PRKCE: variants seen among roughly 807,000 people sequenced by gnomAD.
PRKCE encodes protein kinase C epsilon.
A neutral mutation model predicts 85.4 loss-of-function variants in PRKCE; 16 were observed. The ratio of observed to expected loss-of-function variants is 0.19; its 90% CI spans 0.13 to 0.28. PRKCE has a LOEUF of 0.28. PRKCE is among the 10% of genes least tolerant of loss of function. PRKCE has a pLI of 1.00. For synonymous variants in PRKCE, 388 were observed against 371.5 expected (o/e 1.04, Z -0.51); for missense variants, 573 against 975.2 (o/e 0.59, Z 5.49).
chr2:46,145,174 T>A lies in PRKCE; in HGVS notation c.1674T>A (p.Ile558=). 1 of 1,599,726 alleles carries A rather than the reference T, an allele frequency of 6.3e-7. No homozygotes were observed. ...LADFGMCKEG[I]LNGVTTTTFC... is the part of the protein sequence containing the mutation. ...ACTTCGGGATGTGCAAGGAAGGGAT[T>A]CTGAATGGTGTGACGACCACCACGT... Residue 558 remains isoleucine (I), a synonymous_variant, in exon 12 of 15, where the codon ATT becomes ATA. Transcript: ENST00000306156. The surrounding 1 kb of genome is among the most constrained non-coding windows in gnomAD (Gnocchi z 4.6).
intron 6 of PRKCE, among the ~76,000 whole-genome samples, chr2:45,997,661 C>T (rs1184081239): frequency 2.0e-5 from 3 of 152,128 alleles, no homozygotes; most frequent in Non-Finnish European, 4.4e-5. Flanking sequence ...ATTCTCCTGC[C>T]TCAGCCTCCC....
At chr2:46,044,163 TAAG>T (rs1431799287) in intron 10 of PRKCE, among the ~76,000 whole-genome samples, 4 of 152,332 alleles carry the variant, frequency 2.6e-5, no homozygotes, top group Admixed American at 6.5e-5. Flanking sequence ...TTTAGAGAAC[TAAG>T]AAGATTACAA....
chr2:45,747,265 G>C (rs1484438179), intron 1 of PRKCE, among the ~76,000 whole-genome samples: 4 of 152,152 alleles, frequency 2.6e-5, no homozygotes, highest in African/African-American at 4.8e-5. Flanking sequence ...TTATACTTCA[G>C]TGGCTTTAAG....
intron 2 of PRKCE, among the ~76,000 whole-genome samples, chr2:45,915,142 G>A (rs1357405682): frequency 1.3e-5 from 2 of 152,174 alleles, no homozygotes; most frequent in African/African-American, 2.4e-5. Flanking sequence ...GCCCACCTTG[G>A]CCTCCCAAAG....
At chr2:45,768,940 A>G (rs1685113259) in intron 1 of PRKCE, among the ~76,000 whole-genome samples, 1 of 152,220 alleles carries the variant, frequency 6.6e-6, no homozygotes, top group Non-Finnish European at 1.5e-5. Context: ...TTAGCCACAG[A>G]TATTTATGGA....
At chr2:46,037,731 C>T (rs1228041743) in intron 10 of PRKCE, among the ~76,000 whole-genome samples, 1 of 152,160 alleles carries the variant, frequency 6.6e-6, no homozygotes, top group Admixed American at 6.5e-5. Context: ...CCTACAGAAA[C>T]TGGTCTGGGC....
At chr2:45,664,288 A>G (rs778982634) in intron 1 of PRKCE, among the ~76,000 whole-genome samples, 2 of 152,164 alleles carry the variant, frequency 1.3e-5, no homozygotes, top group Non-Finnish European at 2.9e-5. Context: ...TTTGAAATCT[A>G]GTTTTATCAG....
chr2:45,661,189 T>A (rs1327585822), intron 1 of PRKCE, among the ~76,000 whole-genome samples: 2 of 152,236 alleles, frequency 1.3e-5, no homozygotes, highest in East Asian at 1.9e-4. Context: ...TAAGAAGAGT[T>A]TTTTAAAATT....
chr2:45,751,869 G>C (rs1360758851), intron 1 of PRKCE, among the ~76,000 whole-genome samples: 2 of 131,236 alleles, frequency 1.5e-5, no homozygotes, highest in East Asian at 4.2e-4. Flanking sequence ...CCAGGCTGGA[G>C]TGCAGTGGCG....
chr2:45,999,218 C>T (rs982745022), intron 6 of PRKCE, among the ~76,000 whole-genome samples: 2 of 152,138 alleles, frequency 1.3e-5, no homozygotes, highest in African/African-American at 4.8e-5. Flanking sequence ...TGAGCTGTAT[C>T]ATTTGTCTTC....
intron 1 of PRKCE, among the ~76,000 whole-genome samples, chr2:45,742,896 G>T (rs1682696385): frequency 6.6e-6 from 1 of 152,186 alleles, no homozygotes; most frequent in South Asian, 2.1e-4. Context: ...CTAAGTGTCT[G>T]TTGACAGATG....
At chr2:46,006,074 G>A (rs1329078108) in intron 8 of PRKCE, among the ~76,000 whole-genome samples, 1 of 152,312 alleles carries the variant, frequency 6.6e-6, no homozygotes, top group African/African-American at 2.4e-5. Context: ...AGGATACAGC[G>A]GCCCCAGGGC....
chr2:45,970,518 G>A (rs989596301), intron 2 of PRKCE, among the ~76,000 whole-genome samples: 2 of 152,038 alleles, frequency 1.3e-5, no homozygotes, highest in Non-Finnish European at 2.9e-5. Flanking sequence ...CTACATAAAT[G>A]TATCATTAAA....
At position 46,041,269 on chromosome 2, in the gene PRKCE, G is replaced by A. The variant is rs529719517; in HGVS notation, c.1437+30752G>A. The stretch of plus-strand genomic sequence containing the variant: ...CCAAGTCCAAAATCAGAATTTTAAA[G>A]CAATATTAAAACAAAACAAAATCCC... On this transcript the variant is annotated intron_variant, in intron 10 of 14. Coordinates refer to ENST00000306156, the MANE Select transcript of PRKCE (RefSeq NM_005400.3). This position sits in a 1 kb window ranked among gnomAD's most constrained non-coding sequence, Gnocchi z 5.5. Among the ~76,000 whole-genome samples, 42 of 152,118 alleles carry A rather than the reference G, an allele frequency of 2.8e-4. 1 individual carries two copies. The highest frequency in any genetic ancestry group is 5.3e-4 in the Non-Finnish European group (36 of 68,018).
chr2:45,853,860 C>G (rs1692469125), intron 2 of PRKCE, among the ~76,000 whole-genome samples: 1 of 152,150 alleles, frequency 6.6e-6, no homozygotes, highest in Non-Finnish European at 1.5e-5. Context: ...TCCAATGCCA[C>G]TCAGGGCCCG....
intron 2 of PRKCE, among the ~76,000 whole-genome samples, chr2:45,917,741 C>T (rs1363811731): frequency 6.6e-6 from 1 of 152,238 alleles, no homozygotes; most frequent in South Asian, 2.1e-4. Flanking sequence ...GTCGGGGAGG[C>T]TCCGGCCGCA....
chr2:46,111,226 G>C (rs1672226767), intron 11 of PRKCE, among the ~76,000 whole-genome samples: 1 of 151,994 alleles, frequency 6.6e-6, no homozygotes, highest in African/African-American at 2.4e-5. Context: ...ATGCTGTTCA[G>C]GTCAACTATA....
At chr2:45,976,727 T>C (rs747772873) in intron 3 of PRKCE, 139 bp downstream of exon 3, 3 of 1,057,608 alleles carry the variant, frequency 2.8e-6, no homozygotes, top group Non-Finnish European at 4.1e-6. Context: ...AGGGGACTAT[T>C]ATGGAAGGCT....
intron 1 of PRKCE, among the ~76,000 whole-genome samples, chr2:45,795,468 C>T (rs1687363955): frequency 6.6e-6 from 1 of 152,144 alleles, no homozygotes; most frequent in Non-Finnish European, 1.5e-5. Flanking sequence ...ACCACCACGC[C>T]TGGCTAATTT....
Sources: allele counts gnomAD v4.1 joint callset (sites outside exome capture counted in the v4.1 genomes callset), GRCh38; gene constraint gnomAD v4.1.1; non-coding constraint Gnocchi (gnomAD v3.1); transcripts MANE v1.5; gene names NCBI Gene and HGNC (gene_info 2026-07-23, HGNC 2026-07-21).